PRELID2: variants seen among roughly 807,000 people sequenced by gnomAD.
The protein encoded by PRELID2 is PRELI domain-containing protein 2.
In PRELID2, 25 loss-of-function variants were observed where a neutral mutation model predicts 28.4. The observed-to-expected ratio is 0.88, with a 90% CI of 0.64 to 1.23. PRELID2 has a LOEUF of 1.23. Among genes scored for constraint, PRELID2 ranks in the 50% most tolerant of loss-of-function variants. PRELID2 has a pLI of 0.00. For missense variants in PRELID2, 201 were observed against 214.4 expected (o/e 0.94, Z 0.39); for synonymous variants, 76 against 71.6 (o/e 1.06, Z -0.31).
chr5:145,589,892 G>A lies in PRELID2; in HGVS notation n.71-116577C>T, dbSNP rs73792632. Among the ~76,000 whole-genome samples the A allele has an allele frequency of 3.0e-3, 455 of 152,172 alleles. 1 individual carries two copies. Among genetic ancestry groups the A allele is most frequent in the African/African-American group, 8.3e-3 (343 of 41,530 alleles). ...GTATGGTTTGATGTAAGAATATTAT[G>A]TTTTTGCACAAACAACAAATGCATC... On this transcript the variant is annotated intron_variant and non_coding_transcript_variant, in intron 1 of 2. Transcript: ENST00000510259.
chr5:145,270,545 A>G, the PRELID2 span, among the ~76,000 whole-genome samples: 19 of 152,182 alleles, frequency 1.2e-4, no homozygotes, highest in Non-Finnish European at 2.5e-4. Flanking sequence ...GCGGTTCTAG[A>G]ATCAGAATAA....
chr5:145,346,596 C>T, the PRELID2 span, among the ~76,000 whole-genome samples: 2 of 152,106 alleles, frequency 1.3e-5, no homozygotes, highest in East Asian at 1.9e-4. Flanking sequence ...TTTAGAAGGG[C>T]TATAATTGCA....
rs142598487 is a variant in PRELID2 at position 145,765,488 on chromosome 5, C to A, written c.475-488G>T. ...ACTGTAGGCTGCTGCTGGCACACAG[C>A]CACCCTCTGCCAAAGGGAGCTGCCT... On this transcript the variant is annotated intron_variant, in intron 5 of 6. Transcript: ENST00000683046. Among the ~76,000 whole-genome samples the A allele has an allele frequency of 2.9e-3, 442 of 152,226 alleles. 3 individuals are homozygous for A. Among genetic ancestry groups the A allele is most frequent in the Non-Finnish European group, 5.2e-3 (351 of 68,006 alleles).
intron 1 of PRELID2, among the ~76,000 whole-genome samples, chr5:145,561,350 T>C (rs1257582035): frequency 6.6e-6 from 1 of 152,064 alleles, no homozygotes; most frequent in Non-Finnish European, 1.5e-5. Context: ...GCCATCTTGG[T>C]TCAAGTGAGT....
intron 1 of PRELID2, among the ~76,000 whole-genome samples, chr5:145,677,537 A>G (rs1343582613): frequency 6.6e-6 from 1 of 152,180 alleles, no homozygotes; most frequent in Non-Finnish European, 1.5e-5. Flanking sequence ...ATTTTCTTCA[A>G]AATAATCTAG....
chr5:145,614,249 G>A (rs1225037656), intron 1 of PRELID2, among the ~76,000 whole-genome samples: 2 of 152,180 alleles, frequency 1.3e-5, no homozygotes, highest in Admixed American at 6.5e-5. Context: ...AAATCAGGTA[G>A]TGTGATGCCT....
chr5:145,347,350 GA>G, the PRELID2 span, among the ~76,000 whole-genome samples: 1 of 152,136 alleles, frequency 6.6e-6, no homozygotes, highest in African/African-American at 2.4e-5. Context: ...GTGAAGAAAT[GA>G]GCCTCAAGGG....
At chr5:145,584,266 T>C (rs1236941239) in intron 1 of PRELID2, among the ~76,000 whole-genome samples, 1 of 152,066 alleles carries the variant, frequency 6.6e-6, no homozygotes, top group Non-Finnish European at 1.5e-5. Flanking sequence ...ACCCCTTTCT[T>C]ACACCTTATA....
the PRELID2 span, among the ~76,000 whole-genome samples, chr5:145,249,809 C>G: frequency 4.6e-5 from 7 of 151,964 alleles, no homozygotes; most frequent in African/African-American, 1.7e-4. Flanking sequence ...AATTTTAAAT[C>G]CTTGTGCTTT....
chr5:145,766,295 T>G (rs888730717), intron 5 of PRELID2, among the ~76,000 whole-genome samples: 2 of 151,884 alleles, frequency 1.3e-5, no homozygotes, highest in African/African-American at 4.8e-5. Context: ...CCAGGAAAAT[T>G]CTGATTTAAT....
At chr5:145,387,106 C>T in the PRELID2 span, among the ~76,000 whole-genome samples, 2 of 152,128 alleles carry the variant, frequency 1.3e-5, no homozygotes, top group East Asian at 3.8e-4. Flanking sequence ...ATTCATTTTG[C>T]AAATAACACT....
At chr5:145,260,995 C>T in the PRELID2 span, among the ~76,000 whole-genome samples, 35 of 152,182 alleles carry the variant, frequency 2.3e-4, no homozygotes, top group African/African-American at 6.0e-4. Flanking sequence ...AGTGAGATGC[C>T]TTGTGGGCTG....
the PRELID2 span, among the ~76,000 whole-genome samples, chr5:145,313,702 G>A: frequency 6.6e-6 from 1 of 152,098 alleles, no homozygotes; most frequent in East Asian, 1.9e-4. Context: ...AACAGCTGGG[G>A]TATTCTGAGG....
chr5:145,459,027 G>A, the PRELID2 span, among the ~76,000 whole-genome samples: 2,804 of 152,266 alleles, frequency 0.018, 53 homozygotes, highest in Non-Finnish European at 0.028. Flanking sequence ...GGGAATAAAA[G>A]GGGAAATGCC....
At chr5:145,270,591 A>G in the PRELID2 span, among the ~76,000 whole-genome samples, 1 of 152,166 alleles carries the variant, frequency 6.6e-6, no homozygotes, top group Non-Finnish European at 1.5e-5. Flanking sequence ...TGCTATAAAT[A>G]TATTTCTTAC....
the PRELID2 span, among the ~76,000 whole-genome samples, chr5:145,401,327 A>G: frequency 6.6e-6 from 1 of 152,090 alleles, no homozygotes; most frequent in Non-Finnish European, 1.5e-5. Flanking sequence ...ACAATCAAAT[A>G]AAACTAATCA....
In PRELID2 at chr5:145,692,082, C is replaced by T. The variant is rs181700177; in HGVS notation, n.70+72849G>A. On this transcript the variant is annotated intron_variant and non_coding_transcript_variant, in intron 1 of 2. Coordinates refer to the PRELID2 transcript ENST00000510259. Reference sequence around the variant, plus strand: ...AGCTGATGCTGTTACCTGCTCTTATCGTTATCTGTGACACTATCTCATGAT... The same window carrying T: ...AGCTGATGCTGTTACCTGCTCTTATTGTTATCTGTGACACTATCTCATGAT... Among the ~76,000 whole-genome samples, 9 of 152,124 alleles carry T rather than the reference C, an allele frequency of 5.9e-5. No homozygotes were observed. In the South Asian group the frequency reaches 1.9e-3, roughly 32 times the overall value.
At chr5:145,358,708 G>T in the PRELID2 span, among the ~76,000 whole-genome samples, 2 of 152,218 alleles carry the variant, frequency 1.3e-5, no homozygotes, top group African/African-American at 4.8e-5. Flanking sequence ...AGGGAAAATG[G>T]TCCCTTCAAT....
chr5:145,584,843 T>C (rs896359940), intron 1 of PRELID2, among the ~76,000 whole-genome samples: 2 of 152,146 alleles, frequency 1.3e-5, no homozygotes, highest in Admixed American at 1.3e-4. Context: ...GGTGGAAGTG[T>C]GAATTAGTTC....
Sources: allele counts gnomAD v4.1 joint callset (sites outside exome capture counted in the v4.1 genomes callset), GRCh38; gene constraint gnomAD v4.1.1; transcripts MANE v1.5; gene names NCBI Gene and HGNC (gene_info 2026-07-23, HGNC 2026-07-21).